RASSF3: variants seen among roughly 807,000 people sequenced by gnomAD.
RASSF3 encodes Ras association domain family member 3.
RASSF3 carries 19 observed loss-of-function variants against 19.9 expected under a neutral mutation model. The ratio of observed to expected loss-of-function variants is 0.96; its 90% CI spans 0.67 to 1.40. RASSF3 has a LOEUF of 1.40. RASSF3 is among the 40% of genes most tolerant of loss of function. The probability of loss-of-function intolerance (pLI) is 0.00; values close to 1 mark genes in which losing one functional copy is unlikely to be tolerated. For synonymous variants in RASSF3, 110 were observed against 104.2 expected (o/e 1.06, Z -0.34); for missense variants, 306 against 289.8 (o/e 1.06, Z -0.41).
intron 2 of RASSF3, among the ~76,000 whole-genome samples, chr12:64,586,133 T>C (rs1869794639): frequency 6.6e-6 from 1 of 152,072 alleles, no homozygotes; most frequent in Non-Finnish European, 1.5e-5. Flanking sequence ...GAGACCAGCC[T>C]GGCCAACATG....
In RASSF3 at chr12:64,618,017, C is replaced by T. The variant is rs577296496; in HGVS notation, c.111+7274C>T. Among the ~76,000 whole-genome samples, 186 of 152,280 alleles carry T rather than the reference C, an allele frequency of 1.2e-3. 1 individual carries two copies. The highest frequency in any genetic ancestry group is 2.2e-3 in the Non-Finnish European group (153 of 68,028). ...ATGTTTTTTAAATAACTTCAACCAG[C>T]GTTAACCAAACTGGTTAATTCACCA... On this transcript the variant is annotated intron_variant, in intron 1 of 4. Coordinates refer to ENST00000542104, the MANE Select transcript of RASSF3 (RefSeq NM_178169.4).
intron 1 of RASSF3, among the ~76,000 whole-genome samples, chr12:64,616,690 G>A (rs543069064): frequency 2.6e-5 from 4 of 152,294 alleles, no homozygotes; most frequent in African/African-American, 7.2e-5. Flanking sequence ...TAGCCTCTTT[G>A]CATCTTCCTC....
At chr12:64,636,657 G>A (rs1253789647) in intron 1 of RASSF3, among the ~76,000 whole-genome samples, 1 of 151,850 alleles carries the variant, frequency 6.6e-6, no homozygotes, top group Non-Finnish European at 1.5e-5. Context: ...CCTGAGGTCA[G>A]GGGTTCGAAA....
At position 64,600,860 on chromosome 12, in the gene RASSF3, A is replaced by G. The variant is rs1024626156; in HGVS notation, c.294+59155A>G. Among the ~76,000 whole-genome samples the G allele has an allele frequency of 2.0e-5, 3 of 152,170 alleles. No homozygotes were observed. In the East Asian group the frequency reaches 5.8e-4, roughly 29 times the overall value. ...TCTGTCTTTTTCTGATTCGATTACT[A>G]TGGGAAATCAGTTTTTAGATATAGA... On this transcript the variant is annotated intron_variant, in intron 2 of 5. Transcript: ENST00000637125.
chr12:64,611,089 TC>T (rs1400113590), intron 1 of RASSF3, among the ~76,000 whole-genome samples: 1 of 152,104 alleles, frequency 6.6e-6, no homozygotes, highest in Non-Finnish European at 1.5e-5. Flanking sequence ...CCCCTTCGCG[TC>T]CCCGCTGGGT....
intron 1 of RASSF3, among the ~76,000 whole-genome samples, chr12:64,675,045 GCC>G (rs1226885486): frequency 2.1e-3 from 118 of 57,510 alleles, no homozygotes; most frequent in African/African-American, 7.9e-3. Context: ...TACCCACCTA[GCC>G]CCCCCCCCCC....
chr12:64,513,881 T>C (rs1211166103), intron 1 of RASSF3, among the ~76,000 whole-genome samples: 1 of 151,924 alleles, frequency 6.6e-6, no homozygotes, highest in Non-Finnish European at 1.5e-5. Flanking sequence ...TTTTGTTTGT[T>C]TGTTTGTTTG....
chr12:64,625,511 T>C (rs550857036), intron 1 of RASSF3, among the ~76,000 whole-genome samples: 404 of 152,238 alleles, frequency 2.7e-3, no homozygotes, highest in Non-Finnish European at 4.1e-3. Flanking sequence ...CCTGGTTAGT[T>C]TTGCTCAGGG....
At chr12:64,620,917 A>G (rs1457293252) in intron 1 of RASSF3, among the ~76,000 whole-genome samples, 1 of 152,156 alleles carries the variant, frequency 6.6e-6, no homozygotes, top group African/African-American at 2.4e-5. Context: ...TATTTAATTT[A>G]CATTCCTTTA....
intron 1 of RASSF3, among the ~76,000 whole-genome samples, chr12:64,517,551 C>A (rs573554755): frequency 6.6e-6 from 1 of 151,396 alleles, no homozygotes; most frequent in South Asian, 2.1e-4. Flanking sequence ...GGTTGCAGGG[C>A]AAGATGTAAG....
intron 1 of RASSF3, among the ~76,000 whole-genome samples, chr12:64,646,306 A>C (rs1871732541): frequency 6.6e-6 from 1 of 152,162 alleles, no homozygotes; most frequent in Non-Finnish European, 1.5e-5. Context: ...TAACTGTGTT[A>C]GACTGACGTA....
intron 2 of RASSF3, among the ~76,000 whole-genome samples, chr12:64,580,899 A>G (rs1359948330): frequency 1.3e-5 from 2 of 152,110 alleles, no homozygotes; most frequent in Non-Finnish European, 2.9e-5. Flanking sequence ...TATATCTGCA[A>G]AGATCCTATT....
At chr12:64,668,455 A>G (rs573703190) in intron 1 of RASSF3, among the ~76,000 whole-genome samples, 2 of 152,098 alleles carry the variant, frequency 1.3e-5, no homozygotes, top group South Asian at 4.1e-4. Context: ...TATTTTTTGT[A>G]GAGATGGGTT....
chr12:64,547,855 T>C (rs997032465), intron 2 of RASSF3, among the ~76,000 whole-genome samples: 1 of 152,206 alleles, frequency 6.6e-6, no homozygotes, highest in African/African-American at 2.4e-5. Context: ...TTAAAGAAAC[T>C]GTGGAAAATG....
intron 1 of RASSF3, among the ~76,000 whole-genome samples, chr12:64,623,044 C>T (rs967931425): frequency 2.0e-5 from 3 of 152,084 alleles, no homozygotes; most frequent in African/African-American, 2.4e-5. Flanking sequence ...TGGTCTCGAA[C>T]CCCTGACCTC....
chr12:64,582,048 A>T (rs1264695558), intron 2 of RASSF3, among the ~76,000 whole-genome samples: 1 of 151,756 alleles, frequency 6.6e-6, no homozygotes, highest in Non-Finnish European at 1.5e-5. Context: ...TTTTAGAGAG[A>T]TGCGGTTGCC....
upstream of RASSF3, among the ~76,000 whole-genome samples, chr12:64,532,258 C>T (rs1385449929): frequency 6.6e-6 from 1 of 152,106 alleles, no homozygotes; most frequent in Admixed American, 6.6e-5. Flanking sequence ...TGCTGCTGAG[C>T]AGCCTCTCCT....
At chr12:64,532,904 A>G (rs551153455), upstream of RASSF3, among the ~76,000 whole-genome samples, 1 of 152,288 alleles carries the variant, frequency 6.6e-6, no homozygotes, top group African/African-American at 2.4e-5. Context: ...AAGAAATGGA[A>G]GCACAGAGAG....
intron 1 of RASSF3, among the ~76,000 whole-genome samples, chr12:64,639,906 C>T (rs568806570): frequency 7.2e-5 from 11 of 152,244 alleles, no homozygotes; most frequent in African/African-American, 2.4e-4. Flanking sequence ...TGTGATGTGT[C>T]GTTATATTGC....
Sources: gnomAD v4.1 joint callset for allele counts (sites outside exome capture counted in the v4.1 genomes callset) on GRCh38, gnomAD v4.1.1 for gene constraint, MANE v1.5 for transcripts, NCBI Gene and HGNC (gene_info 2026-07-23, HGNC 2026-07-21) for gene names.